Variants in ABTB3 observed in about 807,000 individuals in gnomAD.
ABTB3 encodes the protein ankyrin repeat and BTB domain containing 3.
chr12:107,577,866 C>T, the ABTB3 span, among the ~76,000 whole-genome samples: 2 of 152,152 alleles, frequency 1.3e-5, no homozygotes, highest in African/African-American at 4.8e-5. Flanking sequence ...GCCATTTTAA[C>T]AAGTTCTTCA....
chr12:107,581,638 T>G, the ABTB3 span, among the ~76,000 whole-genome samples: 43 of 152,276 alleles, frequency 2.8e-4, no homozygotes, highest in African/African-American at 8.9e-4. Context: ...CTTCCTGTAG[T>G]TTTTTAACCA....
At chr12:107,439,345 A>G in the ABTB3 span, among the ~76,000 whole-genome samples, 3 of 152,070 alleles carry the variant, frequency 2.0e-5, no homozygotes, top group Admixed American at 1.3e-4. Context: ...TCAGCTCCTC[A>G]CTTCTTGACT....
the ABTB3 span, chr12:107,640,380 C>G: frequency 1.3e-6 from 2 of 1,597,376 alleles, no homozygotes; most frequent in Non-Finnish European, 8.6e-7. Context: ...CCATTTTATG[C>G]TCACAAAGTG....
chr12:107,320,571 G>A, the ABTB3 span: 1 of 456,002 alleles, frequency 2.2e-6, no homozygotes, highest in East Asian at 6.9e-5. Flanking sequence ...CACGGGGGAA[G>A]GAGGGGCCTG....
the ABTB3 span, among the ~76,000 whole-genome samples, chr12:107,438,243 G>C: frequency 1.3e-5 from 2 of 152,122 alleles, no homozygotes; most frequent in African/African-American, 4.8e-5. Context: ...TGAGTGGGGA[G>C]GGGGTTTCAC....
At chr12:107,638,186 T>TA in the ABTB3 span, among the ~76,000 whole-genome samples, 3 of 152,070 alleles carry the variant, frequency 2.0e-5, no homozygotes, top group African/African-American at 7.2e-5. Flanking sequence ...AGCCTTTTTT[T>TA]AAAAAATGAG....
the ABTB3 span, chr12:107,642,084 G>A: frequency 4.2e-5 from 68 of 1,612,778 alleles, no homozygotes; most frequent in East Asian, 1.3e-3. Flanking sequence ...TTATGTCCTT[G>A]TTCAGGTTCA....
chr12:107,467,113 C>G, the ABTB3 span, among the ~76,000 whole-genome samples: 3 of 152,092 alleles, frequency 2.0e-5, no homozygotes, highest in African/African-American at 2.4e-5. Context: ...GGTGAAACCT[C>G]AATAAACGGG....
chr12:107,346,552 C>T, the ABTB3 span, among the ~76,000 whole-genome samples: 2 of 152,140 alleles, frequency 1.3e-5, no homozygotes, highest in East Asian at 3.9e-4. Flanking sequence ...CTCTGCCTCC[C>T]GGGTTCAAGC....
chr12:107,586,993 T>C, the ABTB3 span, among the ~76,000 whole-genome samples: 1 of 151,958 alleles, frequency 6.6e-6, no homozygotes, highest in East Asian at 1.9e-4. Flanking sequence ...GGAAAAGGCA[T>C]TAGAGAAATA....
At chr12:107,648,092 C>A in the ABTB3 span, among the ~76,000 whole-genome samples, 1 of 152,004 alleles carries the variant, frequency 6.6e-6, no homozygotes, top group Non-Finnish European at 1.5e-5. Context: ...AGGTAGAAGA[C>A]AATAGGGGCC....
the ABTB3 span, chr12:107,640,408 TC>T: frequency 6.4e-7 from 1 of 1,569,314 alleles, no homozygotes; most frequent in Non-Finnish European, 8.7e-7. Context: ...TTACAGCCTC[TC>T]CAAGGTACGT....
the ABTB3 span, among the ~76,000 whole-genome samples, chr12:107,430,831 T>C: frequency 6.6e-6 from 1 of 152,226 alleles, no homozygotes; most frequent in Non-Finnish European, 1.5e-5. Flanking sequence ...TCAAAGATAA[T>C]TGCTCATCTC....
chr12:107,489,522 AAAACAAACAAAC>A, the ABTB3 span, among the ~76,000 whole-genome samples: 3 of 152,014 alleles, frequency 2.0e-5, no homozygotes, highest in Non-Finnish European at 4.4e-5. Context: ...CCATCTCACA[AAAACAAACAAAC>A]AAACAAACAA....
the ABTB3 span, chr12:107,649,258 A>G: frequency 9.9e-6 from 16 of 1,613,460 alleles, no homozygotes; most frequent in Non-Finnish European, 1.4e-5. Context: ...CTCATTAAAA[A>G]CAATGAGATC....
the ABTB3 span, among the ~76,000 whole-genome samples, chr12:107,389,359 A>G: frequency 1.3e-5 from 2 of 152,198 alleles, no homozygotes; most frequent in Non-Finnish European, 1.5e-5. Flanking sequence ...TAAGCTCACT[A>G]TCATCTTAGT....
the ABTB3 span, among the ~76,000 whole-genome samples, chr12:107,487,998 T>C: frequency 3.5e-5 from 5 of 143,238 alleles, no homozygotes; most frequent in African/African-American, 7.8e-5. Flanking sequence ...GGGGGAGGGG[T>C]GGGCTCTCAG....
the ABTB3 span, among the ~76,000 whole-genome samples, chr12:107,647,907 A>G: frequency 1.3e-5 from 2 of 152,154 alleles, no homozygotes; most frequent in Non-Finnish European, 2.9e-5. Context: ...TTCCAGGCTT[A>G]TTGTACTTAG....
the ABTB3 span, among the ~76,000 whole-genome samples, chr12:107,493,093 A>T: frequency 6.6e-6 from 1 of 152,110 alleles, no homozygotes; most frequent in South Asian, 2.1e-4. Context: ...AAAAAAAAAA[A>T]AAGTCTCTTC....
Sources: gnomAD v4.1 joint callset for allele counts (sites outside exome capture counted in the v4.1 genomes callset) on GRCh38, gnomAD v4.1.1 for gene constraint, MANE v1.5 for transcripts, NCBI Gene and HGNC (gene_info 2026-07-23, HGNC 2026-07-21) for gene names.